Variants in UGT3A1 observed in about 807,000 individuals in gnomAD.
The protein encoded by UGT3A1 is UDP-glycosyltransferase 3A1.
UGT3A1 carries 40 observed loss-of-function variants against 37.6 expected under a neutral mutation model. The ratio of observed to expected loss-of-function variants is 1.06; its 90% confidence interval spans 0.83 to 1.38. The LOEUF is 1.38. Ranked by LOEUF, UGT3A1 falls within the 40% of genes most tolerant of loss-of-function variation. The pLI, the probability that UGT3A1 is intolerant of heterozygous loss-of-function variation, is 0.00. For missense variants in UGT3A1, 642 were observed against 634.2 expected, an observed-to-expected ratio of 1.01 and a Z score of -0.13; for synonymous variants, 256 against 232.3, an observed-to-expected ratio of 1.10 and a Z score of -0.93.
upstream of UGT3A1, among the ~76,000 whole-genome samples, chr5:35,996,410 T>A (rs1741097674): frequency 6.6e-6 from 1 of 152,160 alleles, no homozygotes; most frequent in South Asian, 2.1e-4. Flanking sequence ...TTTAGAAACC[T>A]CATTCTTCAG....
chr5:35,979,907 C>T (rs1446197982), intron 2 of UGT3A1, among the ~76,000 whole-genome samples: 1 of 152,172 alleles, frequency 6.6e-6, no homozygotes, highest in Non-Finnish European at 1.5e-5. Context: ...AGAGAGAGAG[C>T]TTGTGCAGGG....
chr5:35,954,230 C>G lies in UGT3A1; in HGVS notation c.1544G>C (p.Arg515Pro), dbSNP rs373182805. 1 of 1,614,148 alleles carries G rather than the reference C, an allele frequency of 6.2e-7. No individual in the cohort carries two copies. Among genetic ancestry groups the G allele is most frequent in the South Asian group, 1.1e-5 (1 of 91,076 alleles). ...KLLGVVARWL[R>P]GARKVKKT ...TGTCTTCTTCACCTTCCTGGCCCCA[C>G]GCAGCCACCTGGCCACCACACCCAG... The change falls in exon 7 of 7, where the codon CGT (arginine) becomes CCT (proline). Residue 515 changes from arginine (R) to proline (P), a missense_variant. Physicochemically the swap from Arg to Pro is moderately radical, Grantham distance 103. Coordinates refer to ENST00000274278, the MANE Select transcript of UGT3A1 (RefSeq NM_152404.4).
chr5:35,955,729 T>C lies in UGT3A1; in HGVS notation c.1211A>G (p.Lys404Arg), dbSNP rs769736050. The change falls in exon 6 of 7, where the codon AAA becomes AGA. Residue 404 changes from lysine to arginine, a missense_variant. By Grantham distance (26) the Lys-to-Arg change is conservative (BLOSUM62 2). Coordinates refer to ENST00000274278, the MANE Select transcript of UGT3A1 (RefSeq NM_152404.4). ...CAACCGGATAGAGACACCATAATTT[T>C]TGGCTACTACTCGGACCATGTTTCC... ...QHGNMVRVVA[K>R]NYGVSIRLNQ... 2 of 1,614,088 alleles carry C rather than the reference T, an allele frequency of 1.2e-6. No individual in the cohort carries two copies. The highest frequency in any genetic ancestry group is 2.7e-5 in the African/African-American group (2 of 74,912).
chr5:35,972,139 T>C (rs778874233), intron 2 of UGT3A1, among the ~76,000 whole-genome samples: 5 of 152,116 alleles, frequency 3.3e-5, no homozygotes, highest in Non-Finnish European at 7.4e-5. Context: ...CAAATTTGCT[T>C]CTAGGATAGT....
At chr5:35,960,682 C>G (rs1174663394) in intron 4 of UGT3A1, 1 of 152,248 alleles carries the variant, frequency 6.6e-6, no homozygotes, top group Non-Finnish European at 1.5e-5. Flanking sequence ...TAAGTGTTAA[C>G]CAGCTCAACG....
chr5:35,992,311 G>T (rs2111565933), upstream of UGT3A1, among the ~76,000 whole-genome samples: 1 of 152,160 alleles, frequency 6.6e-6, no homozygotes, highest in South Asian at 2.1e-4. Context: ...GGGAGGAAAT[G>T]AGAAAGAGAG....
At chr5:35,955,314 C>T (rs997743632) in intron 6 of UGT3A1, 1 of 514,886 alleles carries the variant, frequency 1.9e-6, no homozygotes, top group Non-Finnish European at 3.5e-6. Flanking sequence ...GTGAGAAGAG[C>T]AGGCACACTG....
In UGT3A1 at chr5:35,963,866, C is replaced by T. The variant is rs114910765; in HGVS notation, c.843+1520G>A. Among the ~76,000 whole-genome samples the T allele has an allele frequency of 4.8e-3, 736 of 152,170 alleles. 1 individual carries two copies. The highest frequency in any genetic ancestry group is 7.8e-3 in the Non-Finnish European group (530 of 68,004). ...GTGCACTGCTCATGCCTGTAGTTGT[C>T]GGAATGGGGGGTGGGGATGGCACCT... On this transcript the variant is annotated intron_variant, in intron 4 of 6. Transcript: ENST00000274278.
chr5:35,966,295 T>C (rs1739806169), intron 3 of UGT3A1, among the ~76,000 whole-genome samples: 1 of 152,212 alleles, frequency 6.6e-6, no homozygotes, highest in African/African-American at 2.4e-5. Flanking sequence ...TGAGTGACTG[T>C]CTTTTCTCCA....
In UGT3A1 at chr5:35,957,270, A is replaced by G. The variant is rs1326832135; in HGVS notation, c.993T>C (p.Cys331=). ...AHLPQGVIWT[C]QSSHWPRDVH... ...CATCTCTGGGCCAATGAGAACTCTG[A>G]CATGTCCATATCACTCCTTGAGGGA... The change falls in exon 5 of 7, where the codon TGT becomes TGC. Residue 331 remains cysteine, a synonymous_variant. Coordinates refer to ENST00000274278, the MANE Select transcript of UGT3A1 (RefSeq NM_152404.4). The G allele has an allele frequency of 1.2e-6, 2 of 1,614,066 alleles. No homozygotes were observed. Among genetic ancestry groups the G allele is most frequent in the Non-Finnish European group, 1.7e-6 (2 of 1,180,028 alleles).
chr5:35,965,289 A>G (rs1739751981), intron 4 of UGT3A1, 97 bp downstream of exon 4: 21 of 1,338,618 alleles, frequency 1.6e-5, no homozygotes, highest in Admixed American at 4.4e-5. Context: ...GCCAATCCCT[A>G]CTTCAACCTC....
chr5:35,995,268 G>C (rs1312768499), upstream of UGT3A1, among the ~76,000 whole-genome samples: 1 of 152,042 alleles, frequency 6.6e-6, no homozygotes, highest in Non-Finnish European at 1.5e-5. Context: ...TGACTTCAAA[G>C]ACTCCACTCC....
At chr5:35,957,099 G>T in intron 5 of UGT3A1, 89 bp downstream of exon 5, 1 of 1,082,256 alleles carries the variant, frequency 9.2e-7, no homozygotes, top group South Asian at 1.4e-5. Flanking sequence ...TACGTAGGCT[G>T]ATACAAATGC....
intron 2 of UGT3A1, among the ~76,000 whole-genome samples, chr5:35,968,763 C>G (rs151155416): frequency 6.6e-6 from 1 of 152,202 alleles, no homozygotes; most frequent in East Asian, 1.9e-4. Context: ...TATGCCTCAT[C>G]TGGTCAAACT....
Position 35,960,143 on chromosome 5 carries a change from C to T in UGT3A1, c.844-2724G>A, listed in dbSNP as rs11955342. Among the ~76,000 whole-genome samples the T allele has an allele frequency of 3.3e-3, 500 of 152,262 alleles. 4 individuals are homozygous for T. Among genetic ancestry groups the T allele is most frequent in the African/African-American group, 0.011 (475 of 41,556 alleles). On this transcript the variant is annotated intron_variant, in intron 4 of 6. Coordinates refer to ENST00000274278, the MANE Select transcript of UGT3A1 (RefSeq NM_152404.4). The stretch of plus-strand genomic sequence containing the variant: ...GGGATGTACATATTCTATACAAACC[C>T]TATCAAAATCCCAATAACTTCTTTT...
At chr5:35,990,568 G>C (rs1199800964) in intron 1 of UGT3A1, among the ~76,000 whole-genome samples, 1 of 152,102 alleles carries the variant, frequency 6.6e-6, no homozygotes, top group Non-Finnish European at 1.5e-5. Context: ...AATGACCTGG[G>C]TTCTCTCCTC....
In UGT3A1 at chr5:35,951,690, GT is replaced by G. The variant is rs1561450668; in HGVS notation, c.*2511del. ...TTACCATGATTTTTGCCATGCCAAA[GT>G]TTTTTGTGTCAAATTAATTTACACT... On this transcript the variant is annotated 3_prime_UTR_variant, in exon 7 of 7. Transcript: ENST00000274278. 6.6e-6 allele frequency: 1 copy of G among 152,092 alleles called. No homozygotes were observed. Among genetic ancestry groups the G allele is most frequent in the East Asian group, 1.9e-4 (1 of 5,188 alleles). The allele number at this position is 152,092 out of a possible 1,614,324, so 9.4% of individuals were successfully genotyped here.
upstream of UGT3A1, among the ~76,000 whole-genome samples, chr5:35,993,485 A>G (rs1317636390): frequency 1.3e-5 from 2 of 151,466 alleles, no homozygotes; most frequent in African/African-American, 4.8e-5. Context: ...ATGCAGATTC[A>G]CTGAGCCAGA....
rs147541596 is a variant in UGT3A1 at position 35,987,058 on chromosome 5, T to C, written c.196+1392A>G. Among the ~76,000 whole-genome samples the C allele has an allele frequency of 1.6e-3, 250 of 152,224 alleles. 2 individuals carry two copies. Among genetic ancestry groups the C allele is most frequent in the African/African-American group, 5.5e-3 (230 of 41,560 alleles). ...GCTATCCTATACGTGAGATTTCAGT[T>C]ATGAGTTGGAAAAATACTGCGCGTG... is the stretch of plus-strand genomic sequence containing the variant. On this transcript the variant is annotated intron_variant, in intron 2 of 6. Coordinates refer to ENST00000274278, the MANE Select transcript of UGT3A1 (RefSeq NM_152404.4).
Sources: allele counts gnomAD v4.1 joint callset (sites outside exome capture counted in the v4.1 genomes callset), GRCh38; gene constraint gnomAD v4.1.1; transcripts MANE v1.5; gene names NCBI Gene and HGNC (gene_info 2026-07-23, HGNC 2026-07-21).